The following ERCC6L2 variants were observed in gnomAD, a reference collection of about 807,000 sequenced individuals.
ERCC6L2 encodes DNA excision repair protein ERCC-6-like 2.
In ERCC6L2, 77 loss-of-function variants were observed where a neutral mutation model predicts 132.0. The ratio of observed to expected loss-of-function variants is 0.58; its 90% CI spans 0.49 to 0.71. ERCC6L2 has a LOEUF of 0.71. ERCC6L2 is among the 30% of genes least tolerant of loss of function. ERCC6L2 has a pLI of 0.00. For missense variants in ERCC6L2, 1,542 were observed against 1,837.6 expected (o/e 0.84, Z 2.94); for synonymous variants, 583 against 632.4 (o/e 0.92, Z 1.17).
intron 1 of ERCC6L2, among the ~76,000 whole-genome samples, chr9:95,878,700 C>T (rs1317413181): frequency 6.9e-6 from 1 of 144,116 alleles, no homozygotes; most frequent in Non-Finnish European, 1.5e-5. Flanking sequence ...TGTTCCCCTT[C>T]CTGTGTCCAT....
intron 17 of ERCC6L2, among the ~76,000 whole-genome samples, chr9:96,003,633 G>A (rs1050659897): frequency 6.6e-6 from 1 of 152,116 alleles, no homozygotes; most frequent in Non-Finnish European, 1.5e-5. Flanking sequence ...ATAGACTATA[G>A]CACCCACATG....
At chr9:96,023,980 C>T (rs1029623305) in intron 19 of ERCC6L2, among the ~76,000 whole-genome samples, 6 of 152,200 alleles carry the variant, frequency 3.9e-5, no homozygotes, top group Non-Finnish European at 5.9e-5. Flanking sequence ...GGGTATTTCT[C>T]TTTTTCTGGT....
chr9:96,039,017 A>C, exon 20 of ERCC6L2: 6 of 439,418 alleles, frequency 1.4e-5, no homozygotes, highest in Non-Finnish European at 2.8e-5. Context: ...CACCTTGGAG[A>C]CAGCTCCCCC....
chr9:95,939,930 ACCT>A (rs1564244140), intron 11 of ERCC6L2, among the ~76,000 whole-genome samples: 3 of 151,912 alleles, frequency 2.0e-5, no homozygotes, highest in African/African-American at 4.8e-5. Flanking sequence ...ATTTTAGTAC[ACCT>A]CCTCTTTGAC....
At chr9:95,977,955 G>A (rs1226886673) in intron 16 of ERCC6L2, 106 bp from the exon 17 acceptor site, 4 of 645,624 alleles carry the variant, frequency 6.2e-6, no homozygotes, top group South Asian at 4.8e-5. Flanking sequence ...AGAATATTGT[G>A]ATGTTGATGT....
chr9:95,950,628 G>T (rs1194360260), intron 12 of ERCC6L2, among the ~76,000 whole-genome samples: 1 of 152,082 alleles, frequency 6.6e-6, no homozygotes, highest in Non-Finnish European at 1.5e-5. Flanking sequence ...TACACAGGTT[G>T]AAAATAAAAG....
chr9:95,908,651 A>G (rs1321567853), intron 4 of ERCC6L2, among the ~76,000 whole-genome samples: 6 of 152,112 alleles, frequency 3.9e-5, no homozygotes, highest in African/African-American at 9.7e-5. Flanking sequence ...TGGTAAAATC[A>G]TTAGTTTCCA....
chr9:96,022,426 G>T (rs1834307227), downstream of ERCC6L2, among the ~76,000 whole-genome samples: 1 of 152,168 alleles, frequency 6.6e-6, no homozygotes. Context: ...GGATTTTCTC[G>T]TTTAATCTGC....
chr9:95,960,762 AGCT>A (rs934829568), intron 13 of ERCC6L2, among the ~76,000 whole-genome samples: 8 of 152,164 alleles, frequency 5.3e-5, no homozygotes, highest in Admixed American at 3.3e-4. Context: ...CATCCCAAGT[AGCT>A]GGAACTATAG....
At chr9:95,911,619 A>G (rs1829343913) in intron 4 of ERCC6L2, among the ~76,000 whole-genome samples, 1 of 152,156 alleles carries the variant, frequency 6.6e-6, no homozygotes. Flanking sequence ...TTAATATTTT[A>G]CCTGAGCAAA....
chr9:95,939,873 A>G (rs1830718980), intron 11 of ERCC6L2, among the ~76,000 whole-genome samples: 2 of 152,088 alleles, frequency 1.3e-5, no homozygotes, highest in Non-Finnish European at 2.9e-5. Context: ...TGTCTTGGAC[A>G]TTTTGAGTAT....
chr9:96,026,953 C>G (rs1174501722), intron 19 of ERCC6L2, among the ~76,000 whole-genome samples: 1 of 139,592 alleles, frequency 7.2e-6, no homozygotes, highest in Non-Finnish European at 1.6e-5. Context: ...CACACTACAC[C>G]AAACACACCA....
At chr9:95,916,061 A>G (rs796675655) in intron 5 of ERCC6L2, among the ~76,000 whole-genome samples, 166 bp from the exon 6 acceptor site, 6 of 152,262 alleles carry the variant, frequency 3.9e-5, no homozygotes, top group East Asian at 1.9e-4. Flanking sequence ...TCATCCTCAT[A>G]TCATAGTTAG....
intron 12 of ERCC6L2, among the ~76,000 whole-genome samples, chr9:95,946,813 C>G (rs1248815769): frequency 6.6e-6 from 1 of 152,168 alleles, no homozygotes; most frequent in Non-Finnish European, 1.5e-5. Flanking sequence ...TTTTCATTAT[C>G]ACATCTGTGA....
rs774349418 is a variant in ERCC6L2 at position 95,928,098 on chromosome 9, A to G, written c.1553A>G (p.Asn518Ser). 1.2e-6 allele frequency: 2 copies of G among 1,612,936 alleles called. No individual in the cohort carries two copies. Among genetic ancestry groups the G allele is most frequent in the Admixed American group, 3.3e-5 (2 of 59,966 alleles). The part of the protein sequence containing the change: ...GKMKVLQQLL[N>S]HCRKNRDKVL... ...TTTCAGGTCCTTCAGCAGCTTTTAA[A>G]TCATTGCAGGAAAAACAGAGATAAA... is the stretch of plus-strand genomic sequence containing the variant. Residue 518 changes from asparagine (N) to serine (S), a missense_variant, in exon 10 of 19, where the codon AAT (asparagine) becomes AGT (serine). Physicochemically the swap from Asn to Ser is conservative, Grantham distance 46. Coordinates refer to ENST00000653738, the MANE Select transcript of ERCC6L2 (RefSeq NM_020207.7).
intron 10 of ERCC6L2, among the ~76,000 whole-genome samples, chr9:95,928,478 G>GTT (rs1465595216): frequency 1.3e-5 from 2 of 152,064 alleles, no homozygotes; most frequent in Non-Finnish European, 2.9e-5. Flanking sequence ...AATATTGTTT[G>GTT]TTTCTTAAAA....
chr9:95,983,564 G>T (rs1392486926), intron 17 of ERCC6L2, among the ~76,000 whole-genome samples: 1 of 152,144 alleles, frequency 6.6e-6, no homozygotes, highest in Non-Finnish European at 1.5e-5. Context: ...AGAATGTTAC[G>T]CACTTAACAG....
chr9:96,036,276 T>C lies in ERCC6L2; in HGVS notation c.*1504-2600T>C, dbSNP rs530250147. 3.3e-5 allele frequency among the ~76,000 whole-genome samples: 5 copies of C among 152,280 alleles called. No individual in the cohort carries two copies. The East Asian group carries it at 9.6e-4, about 29-fold the overall frequency. ...ATCTGACAACTCTATGTATGTAATATAATTGGAAGTACACAGAATTTGTCC... is the reference window on the plus strand; with the variant it reads ...ATCTGACAACTCTATGTATGTAATACAATTGGAAGTACACAGAATTTGTCC... On this transcript the variant is annotated intron_variant and NMD_transcript_variant, in intron 19 of 20. Transcript: ENST00000670016.
chr9:95,908,747 T>C (rs562998970), intron 4 of ERCC6L2, among the ~76,000 whole-genome samples: 1 of 151,946 alleles, frequency 6.6e-6, no homozygotes, highest in Non-Finnish European at 1.5e-5. Context: ...GAAACAGTTA[T>C]CTAGTAAGTC....
Sources: gnomAD v4.1 joint callset for allele counts (sites outside exome capture counted in the v4.1 genomes callset) on GRCh38, gnomAD v4.1.1 for gene constraint, MANE v1.5 for transcripts, NCBI Gene and HGNC (gene_info 2026-07-23, HGNC 2026-07-21) for gene names.